Variants in DNAH2 observed in about 807,000 individuals in gnomAD.
DNAH2 encodes the protein axonemal beta dynein heavy chain 2.
A neutral mutation model predicts 523.5 loss-of-function variants in DNAH2; 323 were observed. The ratio of observed to expected loss-of-function variants is 0.62; its 90% CI spans 0.56 to 0.68. The LOEUF is 0.68. Ranked by LOEUF, DNAH2 falls within the 30% of genes least tolerant of loss-of-function variation. DNAH2 has a pLI of 0.00. For missense variants in DNAH2, 4,907 were observed against 5,701.5 expected (o/e 0.86, Z 4.49); for synonymous variants, 2,093 against 2,177.4 (o/e 0.96, Z 1.08).
intron 11 of DNAH2, 66 bp from the exon 12 acceptor site, chr17:7,742,862 G>GT: frequency 8.1e-7 from 1 of 1,230,966 alleles, no homozygotes. Flanking sequence ...GTAGGTCTCA[G>GT]GGAGATGGTG....
chr17:7,819,277 C>A lies in DNAH2; in HGVS notation c.10884C>A (p.Asp3628Glu), dbSNP rs199967552. The A allele has an allele frequency of 1.2e-6, 2 of 1,614,096 alleles. No homozygotes were observed. The highest frequency in any genetic ancestry group is 1.7e-5 in the Admixed American group (1 of 60,014). ...TGCTCAATGATATGGGCTGCATCGACCCCATGTACCAGTTCTCACTGGATG... is the reference window on the plus strand; with the variant it reads ...TGCTCAATGATATGGGCTGCATCGAACCCATGTACCAGTTCTCACTGGATG... ...FFVLNDMGCI[D>E]PMYQFSLDAY... Residue 3628 changes from aspartate (D) to glutamate (E), a missense_variant, in exon 72 of 86, where the codon GAC (aspartate) becomes GAA (glutamate). This residue lies in a region of DNAH2 where 1,851 missense variants were observed against 2,139.4 expected (regional missense o/e 0.87). Coordinates refer to ENST00000572933, the MANE Select transcript of DNAH2 (RefSeq NM_020877.5).
At chr17:7,733,977 G>A (rs1381346426) in intron 5 of DNAH2, among the ~76,000 whole-genome samples, 4 of 152,176 alleles carry the variant, frequency 2.6e-5, no homozygotes, top group African/African-American at 7.2e-5. Context: ...TTATTTTATG[G>A]CAATTTCTTG....
rs182973498 is a variant in DNAH2, at chr17:7,736,841, G to A, written c.979-226G>A. ...TACTAAAAATACAAAAATTAGCTGG[G>A]CGTTGTGGTGGGCACCTGTAATCCC... On this transcript the variant is annotated intron_variant, in intron 7 of 85. Coordinates refer to ENST00000572933, the MANE Select transcript of DNAH2 (RefSeq NM_020877.5). Among the ~76,000 whole-genome samples, 18 of 152,292 alleles carry A rather than the reference G, an allele frequency of 1.2e-4. No individual in the cohort carries two copies. In the East Asian group the frequency reaches 3.3e-3, roughly 28 times the overall value.
At chr17:7,819,555 T>C (rs769218490) in intron 72 of DNAH2, 147 bp downstream of exon 72, 3 of 795,568 alleles carry the variant, frequency 3.8e-6, no homozygotes, top group African/African-American at 3.4e-5. Flanking sequence ...CTCACTCTCA[T>C]GGCTTAACCA....
intron 4 of DNAH2, among the ~76,000 whole-genome samples, chr17:7,728,218 G>A (rs531496946): frequency 6.6e-6 from 1 of 152,272 alleles, no homozygotes; most frequent in African/African-American, 2.4e-5. Context: ...CAGATGGATA[G>A]TAAAATGTTG....
rs557846577 is a variant in DNAH2, at chr17:7,817,394, C to T, written c.9999C>T (p.Val3333=). ...PFLTNYRDEI[V]NQIWIGKIWE... is the part of the protein sequence containing the mutation. ...TGACCAACTACCGGGATGAGATTGT[C>T]AACCAAATCTGGATCGGGAAGGTGA... is the stretch of plus-strand genomic sequence containing the variant. The change falls in exon 65 of 86, where the codon GTC becomes GTT. Residue 3333 remains valine, a synonymous_variant. Transcript: ENST00000572933. 120 of 1,613,924 alleles carry T rather than the reference C, an allele frequency of 7.4e-5. 2 individuals are homozygous for T. In the South Asian group the frequency reaches 1.2e-3, roughly 17 times the overall value.
In DNAH2 at chr17:7,737,142, A is replaced by G. The variant is rs780747583; in HGVS notation, c.1054A>G (p.Met352Val). 1.2e-6 allele frequency: 2 copies of G among 1,614,128 alleles called. No individual in the cohort carries two copies. The highest frequency in any genetic ancestry group is 8.5e-7 in the Non-Finnish European group (1 of 1,180,022). The change falls in exon 8 of 86, where the codon ATG (methionine) becomes GTG (valine). Residue 352 changes from methionine to valine, a missense_variant. By Grantham distance (21) the Met-to-Val change is conservative. This residue lies in a region of DNAH2 where 2,806 missense variants were observed against 3,190.8 expected (regional missense o/e 0.88). Transcript: ENST00000572933. The part of the protein sequence containing the change: ...LKEPYQELAF[M>V]KPKDISSKLP... ...GGAACCTTACCAGGAGTTGGCTTTC[A>G]TGAAGCCCAAGGACATCTCTAGCAA...
chr17:7,729,337 G>A (rs2074917356), intron 4 of DNAH2, among the ~76,000 whole-genome samples: 1 of 151,496 alleles, frequency 6.6e-6, no homozygotes, highest in Non-Finnish European at 1.5e-5. Context: ...CTTGAGCCCA[G>A]GAGTTCGAAT....
intron 64 of DNAH2, 94 bp downstream of exon 64, chr17:7,816,829 GGGGACAC>G (rs1463125353): frequency 1.4e-6 from 2 of 1,472,570 alleles, no homozygotes; most frequent in Non-Finnish European, 1.8e-6. Context: ...CAGGGAAAAC[GGGGACAC>G]CTGGGTATAG....
chr17:7,805,451 G>A (rs983906876), intron 61 of DNAH2, 58 bp downstream of exon 61: 99 of 1,607,380 alleles, frequency 6.2e-5, no homozygotes, highest in Non-Finnish European at 7.4e-5. Flanking sequence ...ATTGATCGTC[G>A]GCTGTGCAGC....
At chr17:7,796,374 A>T (rs2077063062) in intron 49 of DNAH2, 90 bp from the exon 50 acceptor site, 4 of 1,454,926 alleles carry the variant, frequency 2.7e-6, no homozygotes, top group Admixed American at 2.2e-5. Context: ...ACACCCCCTT[A>T]AATTGTGCCC....
rs370422088 is a variant in DNAH2 at position 7,740,705 on chromosome 17, G to A, written c.1507-105G>A. 196 of 1,534,874 alleles carry A rather than the reference G, an allele frequency of 1.3e-4. 2 individuals are homozygous for A. In the African/African-American group the frequency reaches 1.9e-3, roughly 15 times the overall value. ...TCTGTTCCCTGGCTTCGGCGTCCCC[G>A]GGAGTGTGACTCCCGCAGCGGGGTG... On this transcript the variant is annotated intron_variant, in intron 10 of 85. Transcript: ENST00000572933.
At chr17:7,759,753 T>G (rs376970777) in intron 16 of DNAH2, 38 bp from the exon 17 acceptor site, 20 of 1,613,542 alleles carry the variant, frequency 1.2e-5, no homozygotes, top group Non-Finnish European at 1.7e-5. Flanking sequence ...TTCCCAGTCC[T>G]AAGGCTTTTC....
rs2077956910 is a variant in DNAH2 at position 7,824,285 on chromosome 17, C to T, written c.11643C>T (p.Leu3881=). The change falls in exon 76 of 86, where the codon CTC becomes CTT. Residue 3881 remains leucine, a synonymous_variant. Transcript: ENST00000572933. Reference sequence around the variant, plus strand: ...AGGCCCCCATCGCTGCTCGGCTCCTCCGAGAGGGTGTGACTCAGGGTTGGT... The same window carrying T: ...AGGCCCCCATCGCTGCTCGGCTCCTTCGAGAGGGTGTGACTCAGGGTTGGT... ...QGQAPIAARL[L]REGVTQGHWV... 6.5e-7 allele frequency: 1 copy of T among 1,531,290 alleles called. No homozygotes were observed. Among genetic ancestry groups the T allele is most frequent in the Non-Finnish European group, 8.7e-7 (1 of 1,143,604 alleles). The allele number at this position is 1,531,290 out of a possible 1,614,324, so 94.9% of individuals were successfully genotyped here. A position where few individuals can be genotyped will look rare whatever the true frequency, so the allele number is the denominator to read the frequency against.
Position 7,786,749 on chromosome 17 carries a change from T to C in DNAH2, c.6466+62T>C. On this transcript the variant is annotated intron_variant, in intron 41 of 85. Transcript: ENST00000572933. The surrounding 1 kb of genome is among the most constrained non-coding windows in gnomAD (Gnocchi z 7.5). The stretch of plus-strand genomic sequence containing the variant: ...CTGAGTCTCCTAAGGGGGCAGGGAG[T>C]CTGGGGATAGGAAGTTCCAAGTTGG... The C allele has an allele frequency of 6.3e-7, 1 of 1,598,720 alleles. No individual in the cohort carries two copies. Among genetic ancestry groups the C allele is most frequent in the Non-Finnish European group, 8.6e-7 (1 of 1,168,880 alleles).
In DNAH2 at chr17:7,798,284, C is replaced by T. The variant is rs371174568; in HGVS notation, c.8358C>T (p.Ile2786=). The change falls in exon 54 of 86, where the codon ATC becomes ATT. Residue 2786 remains isoleucine, a synonymous_variant. Coordinates refer to ENST00000572933, the MANE Select transcript of DNAH2 (RefSeq NM_020877.5). The surrounding 1 kb of genome is among the most constrained non-coding windows in gnomAD (Gnocchi z 5.5). ...TCTGCGACTACACCACCTTCCAGAT[C>T]GAGGTCACCAAACATTATCGGAAGC... ...SSICDYTTFQ[I]EVTKHYRKQE... 3.0e-5 allele frequency: 48 copies of T among 1,613,538 alleles called. No homozygotes were observed. Among genetic ancestry groups the T allele is most frequent in the Middle Eastern group, 3.3e-4 (2 of 6,062 alleles).
Position 7,792,669 on chromosome 17 carries a change from TA to T in DNAH2, c.7160del (p.Lys2387ArgfsTer16), listed in dbSNP as rs781631253. On this transcript the variant is annotated frameshift_variant, in exon 47 of 86. Coordinates refer to ENST00000572933, the MANE Select transcript of DNAH2 (RefSeq NM_020877.5). LOFTEE classifies it high-confidence loss of function. The part of the protein sequence containing the change: ...WRYPPNAPFY[K>X]IMVPTVDTVR... The stretch of plus-strand genomic sequence containing the variant: ...TGCTCTTCCCTAGCGCCCCCTTCTA[TA>T]AGATCATGGTGCCCACCGTCGACAC... 1.9e-6 allele frequency: 3 copies of T among 1,614,014 alleles called. No homozygotes were observed. Among genetic ancestry groups the T allele is most frequent in the Non-Finnish European group, 2.5e-6 (3 of 1,179,962 alleles).
intron 12 of DNAH2, among the ~76,000 whole-genome samples, chr17:7,753,564 C>T (rs1283702044): frequency 1.3e-5 from 2 of 152,100 alleles, no homozygotes; most frequent in African/African-American, 4.8e-5. Flanking sequence ...GATACTCCTA[C>T]TGAAAGGAAG....
intron 7 of DNAH2, among the ~76,000 whole-genome samples, chr17:7,736,457 C>A (rs569887699): frequency 6.6e-6 from 1 of 152,124 alleles, no homozygotes; most frequent in African/African-American, 2.4e-5. Flanking sequence ...CCACTTAGTG[C>A]GGAGTCCTGA....
Sources: gnomAD v4.1 joint callset for allele counts (sites outside exome capture counted in the v4.1 genomes callset) on GRCh38, gnomAD v4.1.1 for gene constraint, gnomAD v4.1.1 regional missense constraint, Gnocchi (gnomAD v3.1) non-coding constraint, MANE v1.5 for transcripts, NCBI Gene and HGNC (gene_info 2026-07-23, HGNC 2026-07-21) for gene names.